STAM: variants seen among roughly 807,000 people sequenced by gnomAD.
STAM encodes signal transducing adaptor molecule.
In STAM, 16 loss-of-function variants were observed where a neutral mutation model predicts 63.4. The observed-to-expected ratio is 0.25, with a 90% CI of 0.17 to 0.38. The LOEUF is 0.38. Among genes scored for constraint, STAM ranks in the 10% least tolerant of loss-of-function variants. STAM has a pLI of 1.00. For synonymous variants in STAM, 238 were observed against 223.9 expected, an observed-to-expected ratio of 1.06 and a Z score of -0.56; for missense variants, 636 against 657.1, an observed-to-expected ratio of 0.97 and a Z score of 0.35.
At position 17,688,456 on chromosome 10, in the gene STAM, G is replaced by T. The variant is rs1292019032; in HGVS notation, c.444+283G>T. The stretch of plus-strand genomic sequence containing the variant: ...ATTTTGCAGTTTTTGAAATTTTTTG[G>T]TATAGTTTTTGTTTGTTTGTTTTTG... On this transcript the variant is annotated intron_variant, in intron 5 of 13. Coordinates refer to ENST00000377524, the MANE Select transcript of STAM (RefSeq NM_003473.4). 2.6e-5 allele frequency among the ~76,000 whole-genome samples: 4 copies of T among 151,806 alleles called. No individual in the cohort carries two copies. The East Asian group carries it at 7.7e-4, about 29-fold the overall frequency.
chr10:17,671,361 A>G (rs1318378816), intron 2 of STAM, among the ~76,000 whole-genome samples: 2 of 152,248 alleles, frequency 1.3e-5, no homozygotes, highest in Non-Finnish European at 2.9e-5. Context: ...GCTTTCAAGA[A>G]CTAACATTGT....
intron 1 of STAM, among the ~76,000 whole-genome samples, chr10:17,644,766 A>G (rs1271430490): frequency 1.3e-5 from 2 of 152,254 alleles, no homozygotes; most frequent in Admixed American, 6.5e-5. Context: ...GTGCTTGCCT[A>G]GACAAATAAA....
At chr10:17,662,753 A>G (rs1834222854) in intron 2 of STAM, among the ~76,000 whole-genome samples, 1 of 152,160 alleles carries the variant, frequency 6.6e-6, no homozygotes, top group Admixed American at 6.5e-5. Context: ...TATCATCTTC[A>G]TAGGGGAGTT....
chr10:17,665,592 CT>C (rs1374596592), intron 2 of STAM, among the ~76,000 whole-genome samples: 1 of 151,860 alleles, frequency 6.6e-6, no homozygotes, highest in Non-Finnish European at 1.5e-5. Context: ...TCTTTTAAGT[CT>C]ATTAGTATTG....
chr10:17,677,730 A>G (rs947162194), intron 2 of STAM, among the ~76,000 whole-genome samples: 1 of 152,252 alleles, frequency 6.6e-6, no homozygotes, highest in Non-Finnish European at 1.5e-5. Flanking sequence ...CATTCAGTCA[A>G]TATTAGTTCT....
intron 8 of STAM, 32 bp from the exon 9 acceptor site, chr10:17,700,159 T>A: frequency 6.5e-7 from 1 of 1,530,250 alleles, no homozygotes; most frequent in Non-Finnish European, 8.9e-7. Context: ...AAATGTATTA[T>A]TAAAAAAAGA....
intron 4 of STAM, among the ~76,000 whole-genome samples, chr10:17,686,997 C>T (rs182997274): frequency 2.6e-5 from 4 of 152,170 alleles, no homozygotes; most frequent in East Asian, 1.9e-4. Flanking sequence ...AAATTATTGC[C>T]GCTATGAAGA....
At chr10:17,692,738 A>G (rs1341399244) in intron 5 of STAM, among the ~76,000 whole-genome samples, 1 of 152,194 alleles carries the variant, frequency 6.6e-6, no homozygotes, top group African/African-American at 2.4e-5. Context: ...TTGAGCATTT[A>G]TATCGTTTTA....
chr10:17,693,629 A>G (rs1835637601), intron 6 of STAM, among the ~76,000 whole-genome samples: 1 of 152,170 alleles, frequency 6.6e-6, no homozygotes, highest in Non-Finnish European at 1.5e-5. Flanking sequence ...ATGCAACATT[A>G]TGTTTGAGAT....
chr10:17,684,883 T>A lies in STAM; in HGVS notation c.253T>A (p.Cys85Ser). Residue 85 changes from cysteine to serine, a missense_variant, in exon 4 of 14, where the codon TGT becomes AGT. Around this residue, in one of 3 missense-constraint regions of STAM, gnomAD observed 17 missense variants for 39.9 expected, o/e 0.43. Coordinates refer to ENST00000377524, the MANE Select transcript of STAM (RefSeq NM_003473.4). ...NCGKIFHLEVCSRDFASEVSN... is the reference protein window; with the variant it reads ...NCGKIFHLEVSSRDFASEVSN... Reference sequence around the variant, plus strand: ...TGGCAAAATTTTTCATTTAGAAGTATGTTCAAGAGATTTTGCTAGTGAAGT... The same window carrying A: ...TGGCAAAATTTTTCATTTAGAAGTAAGTTCAAGAGATTTTGCTAGTGAAGT... The A allele has an allele frequency of 1.2e-6, 2 of 1,614,102 alleles. No homozygotes were observed. Among genetic ancestry groups the A allele is most frequent in the Non-Finnish European group, 1.7e-6 (2 of 1,179,952 alleles).
chr10:17,704,801 T>C (rs912563568), intron 10 of STAM, among the ~76,000 whole-genome samples, 169 bp from the exon 11 acceptor site: 1 of 152,244 alleles, frequency 6.6e-6, no homozygotes, highest in South Asian at 2.1e-4. Flanking sequence ...TTGTCACCAT[T>C]ATACTTTAAG....
intron 1 of STAM, among the ~76,000 whole-genome samples, chr10:17,645,128 T>C (rs7903444): frequency 6.6e-6 from 1 of 152,166 alleles, no homozygotes; most frequent in Non-Finnish European, 1.5e-5. Flanking sequence ...TTTTTAATTT[T>C]ATTTTATTTT....
intron 1 of STAM, among the ~76,000 whole-genome samples, chr10:17,646,594 G>A (rs1358747900): frequency 6.6e-6 from 1 of 152,200 alleles, no homozygotes; most frequent in Non-Finnish European, 1.5e-5. Flanking sequence ...TACTTCTTCA[G>A]TGTAGCAACA....
chr10:17,704,784 G>A (rs1229104999), intron 10 of STAM, among the ~76,000 whole-genome samples, 186 bp from the exon 11 acceptor site: 1 of 152,176 alleles, frequency 6.6e-6, no homozygotes. Context: ...TAATATTTTA[G>A]ATTAAGTTGT....
At chr10:17,699,767 G>C (rs965201903) in intron 8 of STAM, among the ~76,000 whole-genome samples, 10 of 152,036 alleles carry the variant, frequency 6.6e-5, no homozygotes, top group African/African-American at 2.4e-4. Flanking sequence ...TGTCAAACCA[G>C]ATTTTTTTTT....
intron 13 of STAM, 151 bp downstream of exon 13, chr10:17,709,102 T>A: frequency 1.1e-6 from 1 of 885,216 alleles, no homozygotes; most frequent in African/African-American, 1.7e-5. Context: ...GTGGAGCCTC[T>A]GTGGTATTCC....
At chr10:17,644,951 G>T (rs1467581653) in intron 1 of STAM, among the ~76,000 whole-genome samples, 1 of 152,180 alleles carries the variant, frequency 6.6e-6, no homozygotes, top group Non-Finnish European at 1.5e-5. Flanking sequence ...GAGGACCTGA[G>T]CCTTTGGGAT....
At chr10:17,660,365 A>T in intron 1 of STAM, 99 bp from the exon 2 acceptor site, 1 of 741,118 alleles carries the variant, frequency 1.3e-6, no homozygotes, top group Non-Finnish European at 2.1e-6. Flanking sequence ...ATTTGTTGTT[A>T]AGACTTGATT....
chr10:17,662,340 C>G (rs1834205469), intron 2 of STAM, among the ~76,000 whole-genome samples: 1 of 152,062 alleles, frequency 6.6e-6, no homozygotes, highest in African/African-American at 2.4e-5. Context: ...TCTTTAATTT[C>G]CCATCTCTGT....
Sources: allele counts gnomAD v4.1 joint callset (sites outside exome capture counted in the v4.1 genomes callset), GRCh38; gene constraint gnomAD v4.1.1; regional missense constraint gnomAD v4.1.1; transcripts MANE v1.5; gene names NCBI Gene and HGNC (gene_info 2026-07-23, HGNC 2026-07-21).